The following KTN1 variants were observed in gnomAD, a reference collection of about 807,000 sequenced individuals.
The protein encoded by KTN1 is kinectin.
KTN1 carries 130 observed loss-of-function variants against 222.5 expected under a neutral mutation model. That is an observed-to-expected ratio of 0.58 (90% confidence interval 0.51 to 0.68). KTN1 has a LOEUF of 0.68. KTN1 is among the 30% of genes least tolerant of loss of function. The pLI, the probability that KTN1 is intolerant of heterozygous loss-of-function variation, is 0.00. For missense variants in KTN1, 1,508 were observed against 1,500.4 expected (o/e 1.01, Z -0.08); for synonymous variants, 512 against 496.3 (o/e 1.03, Z -0.42).
At chr14:55,681,524 A>G (rs1452748111) in intron 43 of KTN1, 1 of 152,212 alleles carries the variant, frequency 6.6e-6, no homozygotes, top group Non-Finnish European at 1.5e-5. Context: ...CTTGAGACAT[A>G]TGAATCATTG....
chr14:55,623,588 T>G (rs2039431029), intron 5 of KTN1, among the ~76,000 whole-genome samples: 1 of 152,186 alleles, frequency 6.6e-6, no homozygotes, highest in Non-Finnish European at 1.5e-5. Flanking sequence ...CTATGCTGGT[T>G]TCAAGGTCCT....
rs754389400 is a variant in KTN1, at chr14:55,637,378, T to C, written c.1716+14T>C. 8 of 567,568 alleles carry C rather than the reference T, an allele frequency of 1.4e-5. No individual in the cohort carries two copies. The South Asian group carries it at 3.0e-4, about 21-fold the overall frequency. 35.2% of individuals were successfully genotyped at this position (567,568 alleles called of 1,614,324 possible). On this transcript the variant is annotated intron_variant, in intron 11 of 43. Coordinates refer to ENST00000395314, the MANE Select transcript of KTN1 (RefSeq NM_001079521.2). ...ATGCAGGTTCAGGTATTTTTTCTTCTTTTTTTTTTTTTAAAAAAATACAGG... is the reference window on the plus strand; with the variant it reads ...ATGCAGGTTCAGGTATTTTTTCTTCCTTTTTTTTTTTTAAAAAAATACAGG...
intron 43 of KTN1, chr14:55,682,529 G>A (rs1313650498): frequency 6.6e-6 from 1 of 152,122 alleles, no homozygotes; most frequent in Non-Finnish European, 1.5e-5. Context: ...ATCCTGTTGA[G>A]GGAGGATGAT....
intron 34 of KTN1, among the ~76,000 whole-genome samples, chr14:55,669,976 T>C (rs1403707773): frequency 2.0e-5 from 3 of 151,994 alleles, no homozygotes; most frequent in Admixed American, 6.6e-5. Context: ...ATTTAAAGTA[T>C]GTAACACACA....
At position 55,679,621 on chromosome 14, in the gene KTN1, A is replaced by G. The variant is rs1566864156; in HGVS notation, c.4005A>G (p.Leu1335=). 1 of 1,612,752 alleles carries G rather than the reference A, an allele frequency of 6.2e-7. No homozygotes were observed. The highest frequency in any genetic ancestry group is 8.5e-7 in the Non-Finnish European group (1 of 1,178,698). The change falls in exon 43 of 44, where the codon TTA becomes TTG. Residue 1335 remains leucine (L), a synonymous_variant. Transcript: ENST00000395314. ...GTCTAAATCAGACTGTAACACAGTT[A>G]CAGCAGTTGCTTCAGGCGGTAAACC... is the stretch of plus-strand genomic sequence containing the variant. ...SVSLNQTVTQ[L]QQLLQAVNQQ...
chr14:55,643,391 G>A (rs535423368), intron 18 of KTN1, among the ~76,000 whole-genome samples: 2 of 151,986 alleles, frequency 1.3e-5, no homozygotes, highest in Non-Finnish European at 1.5e-5. Context: ...CTGTTAAATA[G>A]CAGTGGTGAG....
intron 8 of KTN1, among the ~76,000 whole-genome samples, chr14:55,634,032 C>T (rs554953407): frequency 1.3e-5 from 2 of 151,972 alleles, no homozygotes; most frequent in African/African-American, 2.4e-5. Context: ...CTCAGCTACT[C>T]GGGAGACAGG....
intron 4 of KTN1, 57 bp downstream of exon 4, chr14:55,618,191 G>A (rs1245533266): frequency 2.4e-6 from 3 of 1,260,892 alleles, no homozygotes; most frequent in Non-Finnish European, 3.3e-6. Flanking sequence ...TCTGAGTTCT[G>A]ATGGAGTCAT....
chr14:55,682,368 T>C (rs1352595082), intron 43 of KTN1: 4 of 152,258 alleles, frequency 2.6e-5, no homozygotes, highest in South Asian at 2.1e-4. Flanking sequence ...GAATTGACAG[T>C]ATTGGCATTT....
At chr14:55,589,884 C>T (rs2033800493) in intron 1 of KTN1, among the ~76,000 whole-genome samples, 1 of 151,940 alleles carries the variant, frequency 6.6e-6, no homozygotes, top group Non-Finnish European at 1.5e-5. Context: ...GTCTCGATCT[C>T]TTGACCTTGT....
chr14:55,663,818 C>T, intron 32 of KTN1, 137 bp from the exon 33 acceptor site: 2 of 571,914 alleles, frequency 3.5e-6, no homozygotes, highest in Non-Finnish European at 6.2e-6. Context: ...TATTTTTTTG[C>T]TAATATGCAT....
intron 38 of KTN1, 27 bp from the exon 39 acceptor site, chr14:55,672,899 GTGT>G (rs2045570723): frequency 1.3e-6 from 2 of 1,550,408 alleles, no homozygotes. Flanking sequence ...AATTTTAAGT[GTGT>G]TAACTTTTCC....
intron 29 of KTN1, among the ~76,000 whole-genome samples, chr14:55,658,294 A>G (rs1334919977): frequency 6.6e-6 from 1 of 152,192 alleles, no homozygotes; most frequent in Non-Finnish European, 1.5e-5. Flanking sequence ...ACTTCATACT[A>G]AATTCTTAGA....
At chr14:55,642,902 T>A (rs890365237) in intron 18 of KTN1, among the ~76,000 whole-genome samples, 1 of 152,042 alleles carries the variant, frequency 6.6e-6, no homozygotes, top group African/African-American at 2.4e-5. Context: ...CATTTAAGGC[T>A]TATTCTTTTT....
intron 41 of KTN1, 108 bp from the exon 42 acceptor site, chr14:55,678,241 TGTC>T (rs1160794649): frequency 3.1e-6 from 2 of 651,260 alleles, no homozygotes; most frequent in Non-Finnish European, 5.3e-6. Context: ...GAAAAACCTG[TGTC>T]GTCTTTTGAG....
At position 55,656,121 on chromosome 14, in the gene KTN1, C is replaced by T; in HGVS notation, c.2881C>T (p.Gln961Ter). The T allele has an allele frequency of 1.3e-6, 2 of 1,589,722 alleles. No individual in the cohort carries two copies. The highest frequency in any genetic ancestry group is 1.7e-6 in the Non-Finnish European group (2 of 1,158,446). The part of the protein sequence containing the change: ...ERESDLSSKT[Q>*]LLQDVQDENK... ...GGAGAGTGATCTTTCTAGCAAAACA[C>T]AGCTGTTACAGGTGAATATGGTGAC... Residue 961 changes from glutamine (Q) to a stop codon, truncating the protein, a stop_gained, in exon 29 of 44, where the codon CAG becomes TAG. Coordinates refer to ENST00000395314, the MANE Select transcript of KTN1 (RefSeq NM_001079521.2). LOFTEE classifies it high-confidence loss of function.
chr14:55,622,283 C>G (rs2039253740), intron 5 of KTN1, among the ~76,000 whole-genome samples: 1 of 152,104 alleles, frequency 6.6e-6, no homozygotes, highest in African/African-American at 2.4e-5. Context: ...GAAGATCACA[C>G]CGTTCAAAGA....
chr14:55,612,002 C>A lies in KTN1; in HGVS notation c.-30-17C>A. 4 of 1,093,938 alleles carry A rather than the reference C, an allele frequency of 3.7e-6. No individual in the cohort carries two copies. Among genetic ancestry groups the A allele is most frequent in the Non-Finnish European group, 3.7e-6 (3 of 815,776 alleles). The allele number at this position is 1,093,938 out of a possible 1,614,324, so 67.8% of individuals were successfully genotyped here. ...GGTTCTTTTTTTTTTTTTGTCCCCA[C>A]CTTCTTCCCTATTTAGGTTTTATAG... On this transcript the variant is annotated splice_polypyrimidine_tract_variant and intron_variant, in intron 1 of 43. Coordinates refer to ENST00000395314, the MANE Select transcript of KTN1 (RefSeq NM_001079521.2).
intron 1 of KTN1, chr14:55,601,614 C>T (rs2035979566): frequency 2.0e-5 from 3 of 151,962 alleles, no homozygotes; most frequent in South Asian, 2.1e-4. Context: ...TTTGTTTTTT[C>T]AAAATGATTT....
Sources: allele counts gnomAD v4.1 joint callset (sites outside exome capture counted in the v4.1 genomes callset), GRCh38; gene constraint gnomAD v4.1.1; transcripts MANE v1.5; gene names NCBI Gene and HGNC (gene_info 2026-07-23, HGNC 2026-07-21).